Variants in TGIF1 observed in about 807,000 individuals in gnomAD.
TGIF1 encodes TGFB induced factor homeobox 1.
In TGIF1, 4 loss-of-function variants were observed where a neutral mutation model predicts 19.3. That is an observed-to-expected ratio of 0.21 (90% CI 0.10 to 0.47). TGIF1 has a LOEUF of 0.47. Ranked by LOEUF, TGIF1 falls within the 20% of genes least tolerant of loss-of-function variation. TGIF1 has a pLI of 0.98. For missense variants in TGIF1, 275 were observed against 341.4 expected (o/e 0.81, Z 1.53); for synonymous variants, 122 against 129.3 (o/e 0.94, Z 0.38).
chr18:3,428,875 C>T (rs1451086416), intron 2 of TGIF1, among the ~76,000 whole-genome samples: 1 of 152,052 alleles, frequency 6.6e-6, no homozygotes, highest in African/African-American at 2.4e-5. Context: ...AACCCTGTCT[C>T]TACTAAAATA....
In TGIF1 at chr18:3,450,221, G is replaced by A; in HGVS notation, c.-269G>A. The A allele has an allele frequency of 2.1e-6, 3 of 1,408,170 alleles. No individual in the cohort carries two copies. The highest frequency in any genetic ancestry group is 2.8e-6 in the Non-Finnish European group (3 of 1,084,292). 87.2% of individuals were successfully genotyped at this position (1,408,170 alleles called of 1,614,324 possible). On this transcript the variant is annotated 5_prime_UTR_variant, in exon 1 of 3. Transcript: ENST00000343820. ...GAGCAGGAGCAGGGAACAAAGGAGC[G>A]GAGAGGGGAGGGGAGAGAGTTGGGC...
At position 3,432,460 on chromosome 18, in the gene TGIF1, T is replaced by C. The variant is rs574094818; in HGVS notation, c.-45+14245T>C. Reference sequence around the variant, plus strand: ...ATATGAGTATGGTCAGTATACTAGGTAATAGCATTATATCAATGTTAATTT... The same window carrying C: ...ATATGAGTATGGTCAGTATACTAGGCAATAGCATTATATCAATGTTAATTT... On this transcript the variant is annotated intron_variant, in intron 2 of 3. Coordinates refer to the TGIF1 transcript ENST00000401449. 7.5e-4 allele frequency among the ~76,000 whole-genome samples: 115 copies of C among 152,354 alleles called. 1 individual carries two copies. The highest frequency in any genetic ancestry group is 4.1e-4 in the South Asian group (2 of 4,834).
At chr18:3,427,632 C>G (rs1568032542) in intron 2 of TGIF1, among the ~76,000 whole-genome samples, 1 of 151,388 alleles carries the variant, frequency 6.6e-6, no homozygotes, top group East Asian at 1.9e-4. Context: ...CGGGGTTTCC[C>G]TCTGTCACCC....
chr18:3,457,488 G>C lies in TGIF1; in HGVS notation c.367G>C (p.Val123Leu). ...GGCCAAGATTTCTGAAACGAGCTCTGTGGAGTCCGTGATGGGCATCAAAAA... is the reference window on the plus strand; with the variant it reads ...GGCCAAGATTTCTGAAACGAGCTCTCTGGAGTCCGTGATGGGCATCAAAAA... ...RGAKISETSSVESVMGIKNFM... is the reference protein window; with the variant it reads ...RGAKISETSSLESVMGIKNFM... Residue 123 changes from valine (V) to leucine (L), a missense_variant, in exon 3 of 3, where the codon GTG becomes CTG. Physicochemically the swap from Val to Leu is conservative, Grantham distance 32. Transcript: ENST00000343820. The surrounding 1 kb of genome is among the most constrained non-coding windows in gnomAD (Gnocchi z 4.9). 1 of 1,614,230 alleles carries C rather than the reference G, an allele frequency of 6.2e-7. No homozygotes were observed. Among genetic ancestry groups the C allele is most frequent in the Non-Finnish European group, 8.5e-7 (1 of 1,180,042 alleles).
intron 2 of TGIF1, among the ~76,000 whole-genome samples, chr18:3,422,954 G>A (rs185221058): frequency 1.5e-3 from 231 of 152,166 alleles, no homozygotes; most frequent in African/African-American, 4.8e-3. Flanking sequence ...CTCCCAAAGC[G>A]CTGGGATTGT....
chr18:3,457,643 C>T lies in TGIF1; in HGVS notation c.522C>T (p.Cys174=), dbSNP rs1184953527. 3.1e-6 allele frequency: 5 copies of T among 1,614,072 alleles called. No homozygotes were observed. The highest frequency in any genetic ancestry group is 2.2e-5 in the East Asian group (1 of 44,904). Residue 174 remains cysteine (C), a synonymous_variant, in exon 3 of 3, where the codon TGC becomes TGT. Transcript: ENST00000343820. This position sits in a 1 kb window ranked among gnomAD's most constrained non-coding sequence, Gnocchi z 4.9. The part of the protein sequence containing the change: ...GSVLARPSVI[C]HTTVTALKDV... ...TTTTGGCTCGTCCATCAGTGATCTG[C>T]CATACCACTGTGACTGCATTGAAAG... is the stretch of plus-strand genomic sequence containing the variant.
upstream of TGIF1, chr18:3,448,690 C>A: frequency 1.1e-6 from 1 of 905,710 alleles, no homozygotes; most frequent in Non-Finnish European, 1.3e-6. Flanking sequence ...AAACTCTGGC[C>A]TCCACGCATT....
intron 2 of TGIF1, among the ~76,000 whole-genome samples, chr18:3,422,680 T>TTTTTTTG (rs1328868610): frequency 2.3e-4 from 4 of 17,726 alleles, no homozygotes; most frequent in East Asian, 9.1e-3. Context: ...GGCCTTTTTT[T>TTTTTTTG]TTTTTTTTTT....
At chr18:3,447,942 T>A, upstream of TGIF1, 1 of 1,435,006 alleles carries the variant, frequency 7.0e-7, no homozygotes, top group Non-Finnish European at 9.6e-7. Flanking sequence ...TGCCTGAGAA[T>A]CGCAGTCATT....
chr18:3,450,518 C>A lies in TGIF1; in HGVS notation c.16+13C>A, dbSNP rs977504542. On this transcript the variant is annotated intron_variant, in intron 1 of 2. Transcript: ENST00000343820. Reference sequence around the variant, plus strand: ...AAAGGCAAGAAAGGTAAGGCGGCCGCGGGCTGCGCGCACCAGAAGACGCGA... The same window carrying A: ...AAAGGCAAGAAAGGTAAGGCGGCCGAGGGCTGCGCGCACCAGAAGACGCGA... 6.4e-7 allele frequency: 1 copy of A among 1,560,132 alleles called. No individual in the cohort carries two copies. The highest frequency in any genetic ancestry group is 8.7e-7 in the Non-Finnish European group (1 of 1,152,494).
At chr18:3,450,558 G>GCTGGAAACGTT in intron 1 of TGIF1, 53 bp downstream of exon 1, 1 of 1,551,322 alleles carries the variant, frequency 6.4e-7, no homozygotes, top group Non-Finnish European at 8.7e-7. Context: ...GGGGAAACGT[G>GCTGGAAACGTT]CTGGCCGGGC....
In TGIF1 at chr18:3,432,144, A is replaced by AG. The variant is rs199561203; in HGVS notation, c.-45+13929_-45+13930insG. Among the ~76,000 whole-genome samples the AG allele has an allele frequency of 3.2e-3, 444 of 138,490 alleles. 5 individuals are homozygous for AG. Among genetic ancestry groups the AG allele is most frequent in the Non-Finnish European group, 4.7e-3 (310 of 66,134 alleles). 90.9% of individuals were successfully genotyped at this position (138,490 alleles called of 152,430 possible). A position where few individuals can be genotyped will look rare whatever the true frequency, so the allele number is the denominator to read the frequency against. On this transcript the variant is annotated intron_variant, in intron 2 of 3. Transcript: ENST00000401449. ...CTGTCAAAAAAAAAAAAAAAAAAAAACACTAAGAAAGCTAAGGAAGGCGAA... is the reference window on the plus strand; with the variant it reads ...CTGTCAAAAAAAAAAAAAAAAAAAAAGCACTAAGAAAGCTAAGGAAGGCGAA...
chr18:3,451,164 G>A lies in TGIF1; in HGVS notation c.16+659G>A, dbSNP rs2082912431. Among the ~76,000 whole-genome samples the A allele has an allele frequency of 1.3e-5, 2 of 152,192 alleles. No homozygotes were observed. Among genetic ancestry groups the A allele is most frequent in the African/African-American group, 2.4e-5 (1 of 41,442 alleles). ...TCCCACGATGAATTTTGGGGCAGGA[G>A]GAAGAGTTAGCACCCAGGGCCAGCA... On this transcript the variant is annotated intron_variant, in intron 1 of 2. Coordinates refer to ENST00000343820, the MANE Select transcript of TGIF1 (RefSeq NM_003244.4). This position sits in a 1 kb window ranked among gnomAD's most constrained non-coding sequence, Gnocchi z 5.4.
intron 2 of TGIF1, among the ~76,000 whole-genome samples, chr18:3,426,945 C>T (rs144918017): frequency 0.11 from 12,893 of 116,654 alleles, 816 homozygotes; most frequent in Middle Eastern, 0.24. Flanking sequence ...TTTTTGGAGA[C>T]GGAGTTTCAC....
At chr18:3,429,800 C>T (rs1046891111) in intron 2 of TGIF1, among the ~76,000 whole-genome samples, 1 of 152,228 alleles carries the variant, frequency 6.6e-6, no homozygotes, top group Non-Finnish European at 1.5e-5. Flanking sequence ...TTGCAACTAA[C>T]TTCTGAGAAA....
rs745308670 is a variant in TGIF1, at chr18:3,456,208, G to T, written c.17-146G>T. On this transcript the variant is annotated intron_variant, in intron 1 of 2. Coordinates refer to ENST00000343820, the MANE Select transcript of TGIF1 (RefSeq NM_003244.4). The surrounding 1 kb of genome is among the most constrained non-coding windows in gnomAD (Gnocchi z 4.2). ...GTCAAACTACTTTTACTTGGACCCT[G>T]AATTCAGGACAGAAAACACTGCTCC... 12 of 855,020 alleles carry T rather than the reference G, an allele frequency of 1.4e-5. No homozygotes were observed. In the Admixed American group the frequency reaches 1.5e-4, roughly 11 times the overall value. The allele number at this position is 855,020 out of a possible 1,614,324, so 53.0% of individuals were successfully genotyped here.
chr18:3,435,224 G>A (rs2082600031), intron 2 of TGIF1, among the ~76,000 whole-genome samples: 1 of 149,096 alleles, frequency 6.7e-6, no homozygotes, highest in African/African-American at 2.5e-5. Context: ...ATGGAGTCTT[G>A]CTCTCTTGCC....
chr18:3,422,330 A>G (rs1220087930), intron 2 of TGIF1, among the ~76,000 whole-genome samples: 2 of 150,978 alleles, frequency 1.3e-5, no homozygotes, highest in Non-Finnish European at 3.0e-5. Context: ...AATTTGATAG[A>G]AAAAGCTTAT....
chr18:3,437,284 A>T (rs772291066), intron 2 of TGIF1, among the ~76,000 whole-genome samples: 14 of 152,122 alleles, frequency 9.2e-5, no homozygotes, highest in Non-Finnish European at 1.9e-4. Flanking sequence ...CTGCATTCTT[A>T]TCCTGCAGAT....
Sources: gnomAD v4.1 joint callset for allele counts (sites outside exome capture counted in the v4.1 genomes callset) on GRCh38, gnomAD v4.1.1 for gene constraint, Gnocchi (gnomAD v3.1) non-coding constraint, MANE v1.5 for transcripts, NCBI Gene and HGNC (gene_info 2026-07-23, HGNC 2026-07-21) for gene names.